EPHA6: variants seen among roughly 807,000 people sequenced by gnomAD.
EPHA6 encodes the protein EPH receptor A6.
A neutral mutation model predicts 112.0 loss-of-function variants in EPHA6; 50 were observed. The observed-to-expected ratio is 0.45, with a 90% CI of 0.36 to 0.56. EPHA6 has a LOEUF of 0.56. Ranked by LOEUF, EPHA6 falls within the 20% of genes least tolerant of loss-of-function variation. EPHA6 has a pLI of 0.00. For missense variants in EPHA6, 1,280 were observed against 1,417.4 expected (o/e 0.90, Z 1.56); for synonymous variants, 529 against 490.7 (o/e 1.08, Z -1.03).
chr3:97,579,535 G>A lies in EPHA6; in HGVS notation c.2387-13077G>A, dbSNP rs374531458. Among the ~76,000 whole-genome samples the A allele has an allele frequency of 3.9e-5, 6 of 152,060 alleles. No homozygotes were observed. In the East Asian group the frequency reaches 1.2e-3, roughly 29 times the overall value. On this transcript the variant is annotated intron_variant, in intron 11 of 17. Transcript: ENST00000389672. Reference sequence around the variant, plus strand: ...GCATGGGTGAACAGCTTCCTTCCAGGGTGTACTTTCCTCCCCCTCATTCTC... The same window carrying A: ...GCATGGGTGAACAGCTTCCTTCCAGAGTGTACTTTCCTCCCCCTCATTCTC...
intron 2 of EPHA6, among the ~76,000 whole-genome samples, chr3:96,941,520 T>G (rs2040946681): frequency 6.6e-6 from 1 of 152,336 alleles, no homozygotes; most frequent in South Asian, 2.1e-4. Flanking sequence ...TGAAAGTTTT[T>G]AACTTCTTTG....
intron 5 of EPHA6, among the ~76,000 whole-genome samples, chr3:97,379,474 G>A (rs2085578433): frequency 6.6e-6 from 1 of 151,856 alleles, no homozygotes; most frequent in African/African-American, 2.4e-5. Flanking sequence ...AAAAGGGCTG[G>A]GCATGGTGGC....
chr3:96,992,241 C>G (rs1243452467), intron 3 of EPHA6, among the ~76,000 whole-genome samples: 2 of 152,086 alleles, frequency 1.3e-5, no homozygotes, highest in Admixed American at 6.6e-5. Flanking sequence ...TTTTAGTATC[C>G]CCATTAACAA....
chr3:97,146,901 G>T (rs929449346), intron 3 of EPHA6, among the ~76,000 whole-genome samples: 3 of 151,886 alleles, frequency 2.0e-5, no homozygotes, highest in Non-Finnish European at 4.4e-5. Flanking sequence ...ACAATGTGTG[G>T]AGTGATGTAA....
At chr3:97,221,612 A>T (rs2078203339) in intron 3 of EPHA6, among the ~76,000 whole-genome samples, 1 of 152,184 alleles carries the variant, frequency 6.6e-6, no homozygotes, top group Non-Finnish European at 1.5e-5. Context: ...TACCCCATTT[A>T]TAACCCAATT....
intron 1 of EPHA6, among the ~76,000 whole-genome samples, chr3:96,831,613 G>A (rs2034085832): frequency 6.6e-6 from 1 of 151,650 alleles, no homozygotes; most frequent in Non-Finnish European, 1.5e-5. Context: ...TAGGATACAT[G>A]TGCACAATAT....
At chr3:97,196,408 A>G (rs373271465) in intron 3 of EPHA6, among the ~76,000 whole-genome samples, 12 of 151,856 alleles carry the variant, frequency 7.9e-5, no homozygotes, top group African/African-American at 1.5e-4. Context: ...AGTTTCGTCA[A>G]TCTTCCTCAA....
chr3:97,535,843 C>T (rs930195771), intron 11 of EPHA6, among the ~76,000 whole-genome samples: 3 of 151,986 alleles, frequency 2.0e-5, no homozygotes, highest in Admixed American at 2.0e-4. Flanking sequence ...TCTTAATATG[C>T]ATTTTTTTTT....
intron 3 of EPHA6, among the ~76,000 whole-genome samples, chr3:97,201,886 C>T (rs2077586551): frequency 6.6e-6 from 1 of 152,062 alleles, no homozygotes; most frequent in African/African-American, 2.4e-5. Context: ...TTAATGCTGG[C>T]ACACAGGCAC....
intron 12 of EPHA6, among the ~76,000 whole-genome samples, chr3:97,603,952 C>A (rs2093661317): frequency 6.6e-6 from 1 of 151,728 alleles, no homozygotes; most frequent in African/African-American, 2.4e-5. Flanking sequence ...GCTTAGGATT[C>A]AACATCTAGT....
chr3:97,721,658 C>T (rs1328490426), intron 15 of EPHA6, among the ~76,000 whole-genome samples: 1 of 152,190 alleles, frequency 6.6e-6, no homozygotes, highest in Non-Finnish European at 1.5e-5. Flanking sequence ...GCATCATAAC[C>T]AGCAACCTTT....
At chr3:97,428,916 T>A (rs544314166) in intron 6 of EPHA6, among the ~76,000 whole-genome samples, 4 of 152,280 alleles carry the variant, frequency 2.6e-5, no homozygotes, top group African/African-American at 9.6e-5. Flanking sequence ...CCAATCCTCC[T>A]TCTTTAACTC....
chr3:97,142,458 T>C (rs923153203), intron 3 of EPHA6, among the ~76,000 whole-genome samples: 1 of 151,714 alleles, frequency 6.6e-6, no homozygotes, highest in African/African-American at 2.4e-5. Flanking sequence ...ATAAGAGAGA[T>C]TTAAATAAGC....
intron 2 of EPHA6, among the ~76,000 whole-genome samples, chr3:96,980,056 T>C (rs2042699265): frequency 6.6e-6 from 1 of 152,212 alleles, no homozygotes; most frequent in Non-Finnish European, 1.5e-5. Context: ...TTGAGTTTAA[T>C]TAGATCCCAT....
At chr3:97,280,396 G>A (rs906847009) in intron 5 of EPHA6, among the ~76,000 whole-genome samples, 18 of 152,170 alleles carry the variant, frequency 1.2e-4, no homozygotes, top group African/African-American at 4.1e-4. Flanking sequence ...CTGGTATTTA[G>A]AAAGCCAAGA....
Position 97,448,745 on chromosome 3 carries a change from AG to A in EPHA6, c.1894+17del, listed in dbSNP as rs773204563. ...AGGAGATGAAAGTAAGTTTCACACAAGGATATAACATAAGATGTGAATTTAG... is the reference window on the plus strand; with the variant it reads ...AGGAGATGAAAGTAAGTTTCACACAAGATATAACATAAGATGTGAATTTAG... On this transcript the variant is annotated intron_variant, in intron 7 of 17. Coordinates refer to ENST00000389672, the MANE Select transcript of EPHA6 (RefSeq NM_001080448.3). The A allele has an allele frequency of 1.4e-5, 22 of 1,611,854 alleles. No homozygotes were observed. The African/African-American group carries it at 2.1e-4, about 16-fold the overall frequency.
At chr3:96,988,854 C>T (rs892179229) in intron 3 of EPHA6, among the ~76,000 whole-genome samples, 2 of 151,978 alleles carry the variant, frequency 1.3e-5, no homozygotes, top group African/African-American at 2.4e-5. Flanking sequence ...CTATAATTTT[C>T]GTGATGAAAC....
In EPHA6 at chr3:97,667,681, G is replaced by C. The variant is rs1054833373; in HGVS notation, c.2784+29599G>C. On this transcript the variant is annotated intron_variant, in intron 14 of 17. Coordinates refer to ENST00000389672, the MANE Select transcript of EPHA6 (RefSeq NM_001080448.3). ...TAAATAAGAAAAAGTATACTTTGTA[G>C]AGAACAACATGGGCAAACTCTTAAA... Among the ~76,000 whole-genome samples the C allele has an allele frequency of 8.5e-5, 13 of 152,238 alleles. 1 individual carries two copies. The highest frequency in any genetic ancestry group is 4.6e-4 in the Admixed American group (7 of 15,298).
At chr3:97,357,978 C>T (rs974646233) in intron 5 of EPHA6, among the ~76,000 whole-genome samples, 1 of 152,012 alleles carries the variant, frequency 6.6e-6, no homozygotes, top group African/African-American at 2.4e-5. Context: ...ATGGCAGATG[C>T]AGAAGATGTG....
Sources: allele counts gnomAD v4.1 joint callset (sites outside exome capture counted in the v4.1 genomes callset), GRCh38; gene constraint gnomAD v4.1.1; transcripts MANE v1.5; gene names NCBI Gene and HGNC (gene_info 2026-07-23, HGNC 2026-07-21).